The following EPHA3 variants were observed in gnomAD, a reference collection of about 807,000 sequenced individuals.
EPHA3 encodes the protein ephrin type-A receptor 3.
A neutral mutation model predicts 107.1 loss-of-function variants in EPHA3; 42 were observed. That is an observed-to-expected ratio of 0.39 (90% CI 0.31 to 0.51). EPHA3 has a LOEUF of 0.51. Ranked by LOEUF, EPHA3 falls within the 20% of genes least tolerant of loss-of-function variation. The probability of loss-of-function intolerance (pLI) is 0.78; values close to 1 mark genes in which losing one functional copy is unlikely to be tolerated. For missense variants in EPHA3, 1,183 were observed against 1,211.2 expected (o/e 0.98, Z 0.35); for synonymous variants, 461 against 424.8 (o/e 1.09, Z -1.05).
chr3:89,445,354 T>A (rs182619162), intron 13 of EPHA3, among the ~76,000 whole-genome samples: 1 of 152,112 alleles, frequency 6.6e-6, no homozygotes, highest in African/African-American at 2.4e-5. Context: ...TTAGACTGAG[T>A]TGTTTGGATA....
chr3:89,120,503 G>T (rs1057504966), intron 1 of EPHA3, among the ~76,000 whole-genome samples: 52 of 152,238 alleles, frequency 3.4e-4, no homozygotes, highest in African/African-American at 1.2e-3. Context: ...CTGATATCTT[G>T]ATACCTGTTT....
In EPHA3 at chr3:89,318,409, TATG is replaced by T. The variant is rs367688558; in HGVS notation, c.815-22501_815-22499del. Among the ~76,000 whole-genome samples, 126 of 151,940 alleles carry T rather than the reference TATG, an allele frequency of 8.3e-4. No homozygotes were observed. In the East Asian group the frequency reaches 0.018, roughly 22 times the overall value. On this transcript the variant is annotated intron_variant, in intron 3 of 16. Coordinates refer to ENST00000336596, the MANE Select transcript of EPHA3 (RefSeq NM_005233.6). ...ATATTTTGGGTGTGGGGCATGGGGGTATGATGATAGTTTGTATTTCTTGGTTGT... is the reference window on the plus strand; with the variant it reads ...ATATTTTGGGTGTGGGGCATGGGGGTATGATAGTTTGTATTTCTTGGTTGT...
At position 89,161,573 on chromosome 3, in the gene EPHA3, A is replaced by G. The variant is rs77159914; in HGVS notation, c.153+34300A>G. On this transcript the variant is annotated intron_variant, in intron 2 of 16. Transcript: ENST00000336596. ...AGTATGGATATACCATGATTTATTT[A>G]ATTAGTTTTTTTACTGACGGGCAGT... Among the ~76,000 whole-genome samples the G allele has an allele frequency of 8.6e-3, 1,305 of 152,164 alleles. 9 individuals carry two copies. The highest frequency in any genetic ancestry group is 0.026 in the East Asian group (136 of 5,174).
intron 5 of EPHA3, among the ~76,000 whole-genome samples, chr3:89,354,560 G>A (rs1391230182): frequency 6.6e-6 from 1 of 150,982 alleles, no homozygotes; most frequent in East Asian, 1.9e-4. Flanking sequence ...CAAAGACTAT[G>A]ACTATGAGGT....
intron 3 of EPHA3, among the ~76,000 whole-genome samples, chr3:89,249,840 A>C (rs1705119677): frequency 6.6e-6 from 1 of 152,320 alleles, no homozygotes; most frequent in Middle Eastern, 3.4e-3. Flanking sequence ...TCAAATAAAA[A>C]ATAATTGTTT....
At chr3:89,333,577 T>C (rs1707334808) in intron 3 of EPHA3, among the ~76,000 whole-genome samples, 1 of 152,060 alleles carries the variant, frequency 6.6e-6, no homozygotes, top group African/African-American at 2.4e-5. Flanking sequence ...AAAGGGTAAA[T>C]AAAACCTAAC....
chr3:89,399,650 T>C, intron 7 of EPHA3, 170 bp downstream of exon 7: 2 of 1,290,058 alleles, frequency 1.6e-6, no homozygotes, highest in South Asian at 3.0e-5. Context: ...GTATTTGTGT[T>C]TGTGTGGGTG....
At chr3:89,139,409 G>A (rs146590651) in intron 2 of EPHA3, among the ~76,000 whole-genome samples, 2 of 151,896 alleles carry the variant, frequency 1.3e-5, no homozygotes, top group East Asian at 1.9e-4. Context: ...ATCTGTATCC[G>A]TATTGTTGGA....
chr3:89,316,783 C>T (rs989363614), intron 3 of EPHA3, among the ~76,000 whole-genome samples: 1 of 151,172 alleles, frequency 6.6e-6, no homozygotes. Context: ...AAGATTTGCA[C>T]GGAAGTATCA....
chr3:89,121,071 C>A (rs1421814377), intron 1 of EPHA3, among the ~76,000 whole-genome samples: 1 of 151,852 alleles, frequency 6.6e-6, no homozygotes, highest in Non-Finnish European at 1.5e-5. Context: ...AACCCCGTCT[C>A]TACACAAAAA....
intron 5 of EPHA3, among the ~76,000 whole-genome samples, chr3:89,369,501 T>G (rs908691189): frequency 2.0e-5 from 3 of 150,218 alleles, no homozygotes; most frequent in African/African-American, 4.9e-5. Context: ...ATACAAAAAT[T>G]AATTCAAGAT....
chr3:89,346,441 C>T (rs1404421731), intron 5 of EPHA3, among the ~76,000 whole-genome samples: 2 of 147,238 alleles, frequency 1.4e-5, no homozygotes, highest in African/African-American at 5.0e-5. Context: ...TGTTCATGTC[C>T]TTCACCCACT....
rs1242408900 is a variant in EPHA3 at position 89,450,301 on chromosome 3, T to C, written c.2621T>C (p.Ile874Thr). The change falls in exon 15 of 17, where the codon ATT (isoleucine) becomes ACT (threonine). Residue 874 changes from isoleucine to threonine, a missense_variant. Coordinates refer to ENST00000336596, the MANE Select transcript of EPHA3 (RefSeq NM_005233.6). ...AACAACAGACCCAAGTTTGAGCAGA[T>C]TGTTAGTATTCTGGACAAGCTTATC... The part of the protein sequence containing the change: ...DRNNRPKFEQ[I>T]VSILDKLIRN... 6.2e-7 allele frequency: 1 copy of C among 1,613,864 alleles called. No homozygotes were observed. The highest frequency in any genetic ancestry group is 1.3e-5 in the African/African-American group (1 of 74,918).
At chr3:89,129,582 G>A in intron 2 of EPHA3, among the ~76,000 whole-genome samples, 1 of 146,452 alleles carries the variant, frequency 6.8e-6, no homozygotes, top group African/African-American at 2.5e-5. Context: ...ATATAGTGCA[G>A]ATTTAGAAAA....
At chr3:89,406,762 A>G (rs574272100) in intron 7 of EPHA3, among the ~76,000 whole-genome samples, 2 of 152,312 alleles carry the variant, frequency 1.3e-5, no homozygotes, top group East Asian at 3.9e-4. Context: ...TGGGCCATTT[A>G]TAAAGGTAGG....
In EPHA3 at chr3:89,257,798, T is replaced by A. The variant is rs763842159; in HGVS notation, c.814+47278T>A. The stretch of plus-strand genomic sequence containing the variant: ...TGAGAGAAAGAACATCTTCACAGAG[T>A]GTTAGTGGACAAATGCATTATATTT... On this transcript the variant is annotated intron_variant, in intron 3 of 16. Coordinates refer to ENST00000336596, the MANE Select transcript of EPHA3 (RefSeq NM_005233.6). 3.6e-4 allele frequency among the ~76,000 whole-genome samples: 55 copies of A among 150,972 alleles called. 1 individual carries two copies. The highest frequency in any genetic ancestry group is 1.5e-4 in the Non-Finnish European group (10 of 67,786).
intron 13 of EPHA3, among the ~76,000 whole-genome samples, chr3:89,434,616 A>G (rs533221979): frequency 2.0e-5 from 3 of 152,268 alleles, no homozygotes; most frequent in Admixed American, 6.5e-5. Flanking sequence ...AATTGGAAAC[A>G]TTTGTCCAAC....
chr3:89,377,419 A>G (rs1220825364), intron 5 of EPHA3, among the ~76,000 whole-genome samples: 1 of 152,152 alleles, frequency 6.6e-6, no homozygotes, highest in Non-Finnish European at 1.5e-5. Context: ...CCAACCCATT[A>G]AAGCCAAAAA....
chr3:89,351,299 G>A (rs915156429), intron 5 of EPHA3, among the ~76,000 whole-genome samples: 19 of 151,546 alleles, frequency 1.3e-4, no homozygotes, highest in Middle Eastern at 3.4e-3. Context: ...TCTGAGCCAG[G>A]TGTGGGATAT....
Sources: allele counts gnomAD v4.1 joint callset (sites outside exome capture counted in the v4.1 genomes callset), GRCh38; gene constraint gnomAD v4.1.1; transcripts MANE v1.5; gene names NCBI Gene and HGNC (gene_info 2026-07-23, HGNC 2026-07-21).